The following PHF24 variants were observed in gnomAD, a reference collection of about 807,000 sequenced individuals.
PHF24 encodes Galpha inhibitory interacting protein.
PHF24 carries 25 observed loss-of-function variants against 42.6 expected under a neutral mutation model. The ratio of observed to expected loss-of-function variants is 0.59; its 90% CI spans 0.43 to 0.82. The LOEUF is 0.82. PHF24 is among the 40% of genes least tolerant of loss of function. PHF24 has a pLI of 0.00. For missense variants in PHF24, 470 were observed against 538.1 expected, an observed-to-expected ratio of 0.87 and a Z score of 1.25; for synonymous variants, 185 against 204.8, an observed-to-expected ratio of 0.90 and a Z score of 0.83.
At chr9:34,670,779 C>T in the PHF24 span, among the ~76,000 whole-genome samples, 3 of 152,244 alleles carry the variant, frequency 2.0e-5, no homozygotes, top group East Asian at 5.8e-4. Context: ...TCCTCACTGC[C>T]AGCTCTTCTC....
At chr9:34,720,272 G>A in the PHF24 span, among the ~76,000 whole-genome samples, 3 of 152,088 alleles carry the variant, frequency 2.0e-5, no homozygotes, top group Non-Finnish European at 4.4e-5. Flanking sequence ...GTGAAACCCC[G>A]TCTCTACTAA....
the PHF24 span, among the ~76,000 whole-genome samples, chr9:34,906,751 T>G: frequency 3.2e-3 from 491 of 152,234 alleles, 4 homozygotes; most frequent in African/African-American, 0.011. Flanking sequence ...TCTTGGAATT[T>G]CCTTATCTAA....
chr9:34,976,718 T>C, exon 5 of PHF24: 1 of 1,613,790 alleles, frequency 6.2e-7, no homozygotes, highest in East Asian at 2.2e-5. Context: ...TCCCTCCTGC[T>C]TCTGCAGCAG....
chr9:34,732,494 C>G, the PHF24 span, among the ~76,000 whole-genome samples: 6 of 151,932 alleles, frequency 3.9e-5, no homozygotes, highest in Admixed American at 6.6e-5. Flanking sequence ...GTTTGAGCTC[C>G]TTATATGTTC....
chr9:34,854,417 T>C, the PHF24 span, among the ~76,000 whole-genome samples: 1 of 152,196 alleles, frequency 6.6e-6, no homozygotes, highest in Admixed American at 6.5e-5. Flanking sequence ...CATTTAGTAC[T>C]ATAAATTTCC....
At chr9:34,940,612 T>G in the PHF24 span, among the ~76,000 whole-genome samples, 2 of 152,134 alleles carry the variant, frequency 1.3e-5, no homozygotes, top group Non-Finnish European at 2.9e-5. Flanking sequence ...AAGTTCCCTC[T>G]TTGTTATCTA....
At chr9:34,922,241 CA>C in the PHF24 span, 1 of 1,593,026 alleles carries the variant, frequency 6.3e-7, no homozygotes, top group Non-Finnish European at 8.6e-7. Context: ...CCGATGTCCA[CA>C]ATGTCAAGTT....
At chr9:34,790,338 G>A in the PHF24 span, among the ~76,000 whole-genome samples, 8 of 152,312 alleles carry the variant, frequency 5.3e-5, no homozygotes, top group Non-Finnish European at 1.5e-5. Flanking sequence ...TGCAGTTTCT[G>A]CAGAATCTTT....
the PHF24 span, chr9:34,832,513 T>G: frequency 6.6e-7 from 1 of 1,517,180 alleles, no homozygotes; most frequent in Non-Finnish European, 8.8e-7. Flanking sequence ...TCTGTCTTAC[T>G]TCTCCCCACA....
the PHF24 span, among the ~76,000 whole-genome samples, chr9:34,671,000 C>T: frequency 1.3e-5 from 2 of 152,170 alleles, no homozygotes; most frequent in Non-Finnish European, 2.9e-5. Flanking sequence ...ATGGAACATT[C>T]TTTGGAAGCA....
chr9:34,737,175 G>A, the PHF24 span, among the ~76,000 whole-genome samples: 1 of 152,150 alleles, frequency 6.6e-6, no homozygotes, highest in South Asian at 2.1e-4. Flanking sequence ...GAGAAACCCT[G>A]TATTTATTAG....
the PHF24 span, chr9:34,837,056 A>G: frequency 6.4e-6 from 3 of 471,238 alleles, no homozygotes; most frequent in Non-Finnish European, 1.3e-5. Context: ...TGCAAACAGC[A>G]ATAGATCACC....
At chr9:34,778,453 A>G in the PHF24 span, among the ~76,000 whole-genome samples, 85,526 of 152,056 alleles carry the variant, frequency 0.56, 25,052 homozygotes, top group Non-Finnish European at 0.65. Context: ...ACTAGCAACC[A>G]TAGGAGAGCT....
At chr9:34,892,212 C>G in the PHF24 span, among the ~76,000 whole-genome samples, 1 of 152,076 alleles carries the variant, frequency 6.6e-6, no homozygotes, top group Admixed American at 6.5e-5. Flanking sequence ...AGAGCTAGAA[C>G]CATGGGGTTT....
At chr9:34,703,486 AAAAG>A in the PHF24 span, among the ~76,000 whole-genome samples, 1 of 152,016 alleles carries the variant, frequency 6.6e-6, no homozygotes, top group Admixed American at 6.6e-5. Context: ...TTTAATTTTT[AAAAG>A]AAAGGTATCA....
the PHF24 span, among the ~76,000 whole-genome samples, chr9:34,848,310 C>A: frequency 6.6e-6 from 1 of 151,800 alleles, no homozygotes; most frequent in Non-Finnish European, 1.5e-5. Context: ...GAGTCAACTT[C>A]TTCCTGGTTT....
At chr9:34,977,623 C>A in exon 7 of PHF24, 1 of 1,601,922 alleles carries the variant, frequency 6.2e-7, no homozygotes, top group East Asian at 2.3e-5. Context: ...ACCCTGCTGC[C>A]CACAGAGCAG....
chr9:34,928,543 A>G, the PHF24 span, among the ~76,000 whole-genome samples: 4 of 152,094 alleles, frequency 2.6e-5, no homozygotes, highest in Non-Finnish European at 5.9e-5. Flanking sequence ...AACCTTTCCT[A>G]TCAGGCCAGT....
At chr9:34,737,141 T>C in the PHF24 span, among the ~76,000 whole-genome samples, 1 of 152,362 alleles carries the variant, frequency 6.6e-6, no homozygotes, top group South Asian at 2.1e-4. Context: ...CCACTAATTC[T>C]AGAACATTTT....
Sources: allele counts gnomAD v4.1 joint callset (sites outside exome capture counted in the v4.1 genomes callset), GRCh38; gene constraint gnomAD v4.1.1; transcripts MANE v1.5; gene names NCBI Gene and HGNC (gene_info 2026-07-23, HGNC 2026-07-21).